The following NEGR1 variants were observed in gnomAD, a reference collection of about 807,000 sequenced individuals.
NEGR1 encodes the protein neuronal growth regulator 1.
Under a neutral mutation model 40.9 loss-of-function variants are expected in NEGR1, and 10 were observed. The ratio of observed to expected loss-of-function variants is 0.24; its 90% CI spans 0.15 to 0.42. NEGR1 has a LOEUF of 0.42. Ranked by LOEUF, NEGR1 falls within the 10% of genes least tolerant of loss-of-function variation. The pLI is 1.00. For synonymous variants in NEGR1, 185 were observed against 166.8 expected (o/e 1.11, Z -0.84); for missense variants, 352 against 438.9 (o/e 0.80, Z 1.77).
intron 4 of NEGR1, among the ~76,000 whole-genome samples, chr1:71,657,039 T>C (rs1056708896): frequency 9.2e-5 from 14 of 152,192 alleles, no homozygotes; most frequent in African/African-American, 3.4e-4. Flanking sequence ...TAAAGAAAGA[T>C]GCAAGAGTAT....
chr1:71,555,875 A>G (rs1380421331), intron 6 of NEGR1, among the ~76,000 whole-genome samples: 2 of 151,602 alleles, frequency 1.3e-5, no homozygotes, highest in African/African-American at 2.4e-5. Context: ...AGTAACATAC[A>G]GGTTTGAGGA....
intron 3 of NEGR1, among the ~76,000 whole-genome samples, chr1:71,755,459 A>G (rs1394964375): frequency 6.6e-6 from 1 of 152,176 alleles, no homozygotes; most frequent in Non-Finnish European, 1.5e-5. Flanking sequence ...TTCCTTTTGC[A>G]TTTAGGGGAA....
At chr1:71,488,576 T>G (rs1475806107) in intron 6 of NEGR1, among the ~76,000 whole-genome samples, 2 of 151,794 alleles carry the variant, frequency 1.3e-5, no homozygotes, top group Non-Finnish European at 2.9e-5. Flanking sequence ...TGCAATAACT[T>G]TCTACCCACA....
intron 1 of NEGR1, among the ~76,000 whole-genome samples, chr1:72,116,169 G>A (rs79013114): frequency 9.9e-4 from 150 of 151,778 alleles, no homozygotes; most frequent in African/African-American, 3.5e-3. Context: ...GTTCCACTCT[G>A]GGGAGTACAA....
At chr1:72,082,355 G>T (rs1183061351) in intron 1 of NEGR1, among the ~76,000 whole-genome samples, 2 of 151,966 alleles carry the variant, frequency 1.3e-5, no homozygotes, top group Admixed American at 6.6e-5. Flanking sequence ...AAATGAAAAA[G>T]AATAATAATG....
chr1:72,190,753 A>C (rs2100428127), intron 1 of NEGR1, among the ~76,000 whole-genome samples: 1 of 151,724 alleles, frequency 6.6e-6, no homozygotes, highest in South Asian at 2.1e-4. Flanking sequence ...TATGTATAAG[A>C]AAACTAGGGC....
intron 2 of NEGR1, among the ~76,000 whole-genome samples, chr1:71,857,550 C>A (rs998767537): frequency 2.1e-5 from 3 of 143,420 alleles, no homozygotes; most frequent in Admixed American, 7.2e-5. Flanking sequence ...ATCATTTGAG[C>A]CCAGGAAGTC....
intron 1 of NEGR1, among the ~76,000 whole-genome samples, chr1:72,229,738 C>T (rs1222240615): frequency 6.6e-6 from 1 of 151,668 alleles, no homozygotes; most frequent in East Asian, 1.9e-4. Flanking sequence ...TAAAATTAAA[C>T]TTTTTTAGAG....
intron 2 of NEGR1, among the ~76,000 whole-genome samples, chr1:71,929,521 C>G (rs988863481): frequency 1.3e-5 from 2 of 151,982 alleles, no homozygotes; most frequent in Admixed American, 6.6e-5. Flanking sequence ...GACTAGGATC[C>G]AATATGAGAG....
intron 6 of NEGR1, among the ~76,000 whole-genome samples, chr1:71,586,660 C>T (rs564419406): frequency 2.6e-5 from 4 of 152,230 alleles, no homozygotes; most frequent in Admixed American, 6.5e-5. Context: ...TGCTGGTTAT[C>T]GTCTCTCCCA....
rs546821445 is a variant in NEGR1, at chr1:72,011,641, T to G, written c.177-76330A>C. Among the ~76,000 whole-genome samples, 4 of 152,190 alleles carry G rather than the reference T, an allele frequency of 2.6e-5. No individual in the cohort carries two copies. The South Asian group carries it at 8.3e-4, about 32-fold the overall frequency. ...GGAACAAAAAGGCACTCAAACAGAT[T>G]ATTAGAATGCAGCATGTTCACTTCA... is the stretch of plus-strand genomic sequence containing the variant. On this transcript the variant is annotated intron_variant, in intron 1 of 6. Coordinates refer to ENST00000357731, the MANE Select transcript of NEGR1 (RefSeq NM_173808.3).
At chr1:71,491,268 TATATGGAAATA>T (rs1646925824) in intron 6 of NEGR1, among the ~76,000 whole-genome samples, 1 of 152,008 alleles carries the variant, frequency 6.6e-6, no homozygotes, top group Admixed American at 6.6e-5. Context: ...GCGCACAGGT[TATATGGAAATA>T]CTATACCACT....
At chr1:72,026,821 T>G (rs3102911) in intron 1 of NEGR1, among the ~76,000 whole-genome samples, 79,161 of 151,968 alleles carry the variant, frequency 0.52, 21,612 homozygotes, top group African/African-American at 0.67. Context: ...ACCCTCTCCA[T>G]CAATCCTTAA....
At chr1:71,916,195 A>G (rs1661577434) in intron 2 of NEGR1, among the ~76,000 whole-genome samples, 1 of 152,152 alleles carries the variant, frequency 6.6e-6, no homozygotes, top group Admixed American at 6.5e-5. Context: ...TCATTTATTT[A>G]AATGTTTATT....
Position 71,743,787 on chromosome 1 carries a change from G to A in NEGR1, c.535+32385C>T, listed in dbSNP as rs572918854. Among the ~76,000 whole-genome samples, 3 of 152,224 alleles carry A rather than the reference G, an allele frequency of 2.0e-5. No homozygotes were observed. In the East Asian group the frequency reaches 5.8e-4, roughly 29 times the overall value. Reference sequence around the variant, plus strand: ...CCCTGAAATTGTGTAGCATGCTTGAGTTTTTCATTTACCTAATTGGTACTT... The same window carrying A: ...CCCTGAAATTGTGTAGCATGCTTGAATTTTTCATTTACCTAATTGGTACTT... On this transcript the variant is annotated intron_variant, in intron 3 of 6. Transcript: ENST00000357731.
intron 1 of NEGR1, among the ~76,000 whole-genome samples, chr1:72,272,698 G>A (rs1055500451): frequency 1.3e-5 from 2 of 151,840 alleles, no homozygotes; most frequent in Admixed American, 6.6e-5. Context: ...TATGGCAGTA[G>A]CCACAGCTTT....
intron 6 of NEGR1, among the ~76,000 whole-genome samples, chr1:71,469,342 G>T (rs1413232302): frequency 6.6e-6 from 1 of 151,886 alleles, no homozygotes; most frequent in Non-Finnish European, 1.5e-5. Flanking sequence ...AAAATAGAGC[G>T]CACCACTTTT....
intron 4 of NEGR1, among the ~76,000 whole-genome samples, chr1:71,656,413 TTG>T (rs1651876497): frequency 6.6e-6 from 1 of 151,302 alleles, no homozygotes; most frequent in Non-Finnish European, 1.5e-5. Context: ...TTGTTTTTTG[TTG>T]TTGTTGTTGT....
At chr1:71,577,111 T>C (rs1648989039) in intron 6 of NEGR1, among the ~76,000 whole-genome samples, 1 of 152,208 alleles carries the variant, frequency 6.6e-6, no homozygotes, top group African/African-American at 2.4e-5. Context: ...ATTCACAGAA[T>C]TGTAATTTTT....
Sources: allele counts gnomAD v4.1 joint callset (sites outside exome capture counted in the v4.1 genomes callset), GRCh38; gene constraint gnomAD v4.1.1; transcripts MANE v1.5; gene names NCBI Gene and HGNC (gene_info 2026-07-23, HGNC 2026-07-21).